Variants in PDLIM2 observed in about 807,000 individuals in gnomAD.
PDLIM2 encodes PDZ and LIM domain 2, also known as PDZ and LIM domain protein 2.
In PDLIM2, 51 loss-of-function variants were observed where a neutral mutation model predicts 54.1. The observed-to-expected ratio is 0.94, with a 90% CI of 0.75 to 1.19. PDLIM2 has a LOEUF of 1.19. Ranked by LOEUF, PDLIM2 falls within the 50% of genes most tolerant of loss-of-function variation. The pLI, the probability that PDLIM2 is intolerant of heterozygous loss-of-function variation, is 0.00. For missense variants in PDLIM2, 912 were observed against 874.0 expected (o/e 1.04, Z -0.55); for synonymous variants, 398 against 385.6 (o/e 1.03, Z -0.38).
downstream of PDLIM2, chr8:22,597,814 GC>G (rs1800711911): frequency 6.6e-6 from 1 of 152,482 alleles, no homozygotes; most frequent in South Asian, 2.1e-4. Flanking sequence ...TTCTCTCTCT[GC>G]CTGTGAGAAG....
chr8:22,589,833 G>A, intron 8 of PDLIM2, 92 bp downstream of exon 7: 3 of 1,494,156 alleles, frequency 2.0e-6, no homozygotes, highest in Non-Finnish European at 2.7e-6. Context: ...GTTCTTAAGT[G>A]CCTGTGAGGT....
exon 1 of PDLIM2, chr8:22,578,908 G>C: frequency 8.1e-7 from 1 of 1,237,606 alleles, no homozygotes. Flanking sequence ...GGGGGCTTGC[G>C]GGCGCTCCGG....
At chr8:22,587,521 C>G (rs1214010320) in intron 6 of PDLIM2, among the ~76,000 whole-genome samples, 1 of 152,116 alleles carries the variant, frequency 6.6e-6, no homozygotes, top group East Asian at 1.9e-4. Context: ...CCCTGCCCCA[C>G]CCCCAGGAAC....
At chr8:22,595,323 C>G (rs1220732719), downstream of PDLIM2, 2 of 152,198 alleles carry the variant, frequency 1.3e-5, no homozygotes, top group Admixed American at 1.3e-4. Flanking sequence ...TAGAAAAGAT[C>G]AAGGCTGTCT....
intron 2 of PDLIM2, 189 bp from the exon 2 acceptor site, chr8:22,581,190 G>A (rs980580550): frequency 2.9e-6 from 2 of 691,986 alleles, no homozygotes; most frequent in African/African-American, 1.8e-5. Flanking sequence ...AGTGTGGGGT[G>A]GGGGCTGCCA....
At chr8:22,582,709 GT>G (rs1325751920) in intron 3 of PDLIM2, among the ~76,000 whole-genome samples, 1 of 151,376 alleles carries the variant, frequency 6.6e-6, no homozygotes, top group African/African-American at 2.4e-5. Flanking sequence ...AGCCTCCTGA[GT>G]ACCTGGGACT....
At chr8:22,593,076 G>A (rs1444012542) in intron 9 of PDLIM2, 2 of 152,650 alleles carry the variant, frequency 1.3e-5, no homozygotes, top group Non-Finnish European at 2.9e-5. Context: ...GTCTTGCTAT[G>A]TTGCCCAGTT....
chr8:22,593,880 C>A, exon 10 of PDLIM2: 1 of 1,550,950 alleles, frequency 6.4e-7, no homozygotes. Context: ...AGCGCTACTC[C>A]GCACCTGCCA....
chr8:22,583,989 G>T (rs561143002), intron 3 of PDLIM2, among the ~76,000 whole-genome samples: 24 of 149,274 alleles, frequency 1.6e-4, no homozygotes, highest in African/African-American at 5.9e-4. Flanking sequence ...TTCTTTTTTT[G>T]GGGTGGGTTT....
At chr8:22,579,831 G>A (rs1800138398) in intron 1 of PDLIM2, 1 of 323,490 alleles carries the variant, frequency 3.1e-6, no homozygotes, top group Admixed American at 4.9e-5. Flanking sequence ...TTGCCCAGCG[G>A]AGGGGCTGTG....
In PDLIM2 at chr8:22,589,295, C is replaced by T; in HGVS notation, c.1291-3C>T. 1.3e-6 allele frequency: 2 copies of T among 1,533,924 alleles called. No homozygotes were observed. Among genetic ancestry groups the T allele is most frequent in the South Asian group, 1.2e-5 (1 of 83,920 alleles). Reference sequence around the variant, plus strand: ...CTCCTCCCCGGCTGCCTCCTCCCAACAGGCCGGCCTCGGCCGCGCTGGCGA... The same window carrying T: ...CTCCTCCCCGGCTGCCTCCTCCCAATAGGCCGGCCTCGGCCGCGCTGGCGA... On this transcript the variant is annotated splice_polypyrimidine_tract_variant and splice_region_variant and intron_variant, in intron 6 of 9. Coordinates refer to ENST00000308354, the Ensembl canonical transcript of PDLIM2.
intron 3 of PDLIM2, among the ~76,000 whole-genome samples, chr8:22,582,412 G>T (rs1003662228): frequency 6.6e-6 from 1 of 152,064 alleles, no homozygotes; most frequent in Admixed American, 6.5e-5. Flanking sequence ...TGGGAATGGG[G>T]CAGAAAGCTA....
At chr8:22,586,232 C>T (rs1037031340) in intron 6 of PDLIM2, among the ~76,000 whole-genome samples, 1 of 152,204 alleles carries the variant, frequency 6.6e-6, no homozygotes, top group Non-Finnish European at 1.5e-5. Context: ...GGAGCAGGAT[C>T]TTTCTGGGGG....
intron 6 of PDLIM2, 27 bp downstream of exon 5, chr8:22,585,426 T>A (rs1282634221): frequency 6.3e-7 from 1 of 1,584,294 alleles, no homozygotes; most frequent in Non-Finnish European, 8.6e-7. Context: ...GAGGACAGGC[T>A]GGAGGAACAG....
intron 6 of PDLIM2, 42 bp downstream of exon 5, chr8:22,585,441 A>C (rs1050669302): frequency 3.9e-6 from 6 of 1,551,202 alleles, no homozygotes; most frequent in Non-Finnish European, 5.3e-6. Context: ...GAACAGAAGC[A>C]CCTCCCGTTC....
At chr8:22,591,728 G>C (rs906148335) in intron 9 of PDLIM2, 60 bp downstream of exon 8, 1 of 1,463,460 alleles carries the variant, frequency 6.8e-7, no homozygotes. Flanking sequence ...AGGGGGACAG[G>C]GCACTGGATG....
chr8:22,594,578 G>C (rs753971745), downstream of PDLIM2: 28 of 1,614,000 alleles, frequency 1.7e-5, no homozygotes, highest in Non-Finnish European at 2.4e-5. Context: ...GGAAGCTTTG[G>C]AGGGGATGGT....
At chr8:22,590,454 T>C (rs1429783352) in intron 8 of PDLIM2, 2 of 152,324 alleles carry the variant, frequency 1.3e-5, no homozygotes, top group Non-Finnish European at 2.9e-5. Flanking sequence ...GCTCCGTTCA[T>C]TGGGGCAGAT....
At chr8:22,588,140 T>G (rs1171592979) in intron 6 of PDLIM2, 1 of 152,318 alleles carries the variant, frequency 6.6e-6, no homozygotes, top group African/African-American at 2.4e-5. Flanking sequence ...CAGCCCTGCC[T>G]CTGATGCTGC....
Sources: gnomAD v4.1 joint callset for allele counts (sites outside exome capture counted in the v4.1 genomes callset) on GRCh38, gnomAD v4.1.1 for gene constraint, MANE v1.5 for transcripts, NCBI Gene and HGNC (gene_info 2026-07-23, HGNC 2026-07-21) for gene names.